The following DNAJC11 variants were observed in gnomAD, a reference collection of about 807,000 sequenced individuals.
DNAJC11 encodes dnaJ homolog subfamily C member 11.
A neutral mutation model predicts 78.6 loss-of-function variants in DNAJC11; 15 were observed. That is an observed-to-expected ratio of 0.19 (90% CI 0.13 to 0.29). The LOEUF (loss-of-function observed/expected upper bound fraction) is 0.29. Ranked by LOEUF, DNAJC11 falls within the 10% of genes least tolerant of loss-of-function variation. DNAJC11 has a pLI of 1.00. For missense variants in DNAJC11, 547 were observed against 709.6 expected (o/e 0.77, Z 2.60); for synonymous variants, 292 against 272.1 (o/e 1.07, Z -0.72).
Position 6,634,448 on chromosome 1 carries a change from G to A in DNAJC11, c.*1227C>T. 7.7e-7 allele frequency: 1 copy of A among 1,292,396 alleles called. No individual in the cohort carries two copies. Among genetic ancestry groups the A allele is most frequent in the Admixed American group, 2.3e-5 (1 of 43,088 alleles). The allele number at this position is 1,292,396 out of a possible 1,614,324, so 80.1% of individuals were successfully genotyped here. The stretch of plus-strand genomic sequence containing the variant: ...GCCGTTACTCAGATACCAGTGCTGG[G>A]GAGGGAGGCCTGACTTCAGCAACAG... On this transcript the variant is annotated 3_prime_UTR_variant, in exon 16 of 16. Transcript: ENST00000377577.
rs989721370 is a variant in DNAJC11, at chr1:6,663,243, C to G, written c.378+4466G>C. Among the ~76,000 whole-genome samples, 13 of 152,108 alleles carry G rather than the reference C, an allele frequency of 8.5e-5. No homozygotes were observed. In the East Asian group the frequency reaches 2.5e-3, roughly 29 times the overall value. ...CCATCAAACTATTTTGTCATAGGGTCAAAAAAACTAAAGCAATATATGCCC... is the reference window on the plus strand; with the variant it reads ...CCATCAAACTATTTTGTCATAGGGTGAAAAAAACTAAAGCAATATATGCCC... On this transcript the variant is annotated intron_variant, in intron 4 of 15. Coordinates refer to ENST00000377577, the MANE Select transcript of DNAJC11 (RefSeq NM_018198.4).
intron 10 of DNAJC11, 109 bp from the exon 11 acceptor site, chr1:6,640,166 T>C (rs1641853483): frequency 4.4e-6 from 6 of 1,362,796 alleles, no homozygotes; most frequent in Non-Finnish European, 4.8e-6. Context: ...TGCGTGCAGC[T>C]GCGAGTTAAA....
At chr1:6,688,290 T>TA (rs1171256384) in intron 1 of DNAJC11, among the ~76,000 whole-genome samples, 1 of 152,224 alleles carries the variant, frequency 6.6e-6, no homozygotes, top group African/African-American at 2.4e-5. Context: ...GTACCTGACT[T>TA]AGATTTACCA....
At chr1:6,700,232 C>G (rs1642903404) in intron 1 of DNAJC11, among the ~76,000 whole-genome samples, 5 of 152,174 alleles carry the variant, frequency 3.3e-5, no homozygotes, top group Admixed American at 3.3e-4. Flanking sequence ...CCACCCCCTG[C>G]CCACAAAAAA....
chr1:6,686,723 A>G (rs1032400974), intron 1 of DNAJC11, among the ~76,000 whole-genome samples: 1 of 152,240 alleles, frequency 6.6e-6, no homozygotes, highest in Admixed American at 6.5e-5. Context: ...GGTGAACGGT[A>G]CTTATACCTA....
chr1:6,652,747 T>C (rs188438305), intron 6 of DNAJC11, 82 bp downstream of exon 6: 18 of 1,582,664 alleles, frequency 1.1e-5, no homozygotes, highest in East Asian at 2.3e-5. Context: ...CAGGGTGAGT[T>C]TGAGGGTGAG....
chr1:6,669,442 C>T (rs978556296), intron 3 of DNAJC11, among the ~76,000 whole-genome samples: 12 of 151,210 alleles, frequency 7.9e-5, no homozygotes, highest in Non-Finnish European at 1.5e-4. Context: ...ACCCGGCAGG[C>T]GGAGTTTGCA....
intron 1 of DNAJC11, among the ~76,000 whole-genome samples, chr1:6,690,970 G>C (rs553849817): frequency 6.6e-6 from 1 of 152,192 alleles, no homozygotes; most frequent in African/African-American, 2.4e-5. Context: ...GCTTAGCAGA[G>C]AAATAATCAA....
intron 3 of DNAJC11, among the ~76,000 whole-genome samples, chr1:6,675,202 A>G (rs571763722): frequency 3.2e-4 from 48 of 152,174 alleles, no homozygotes; most frequent in African/African-American, 1.1e-3. Context: ...GCACTAATAC[A>G]TATCCGAGTA....
chr1:6,644,078 GC>G (rs1641927423), intron 10 of DNAJC11, among the ~76,000 whole-genome samples: 2 of 151,974 alleles, frequency 1.3e-5, no homozygotes. Context: ...CACCATGTTA[GC>G]CAGGATGGTC....
intron 10 of DNAJC11, 112 bp from the exon 11 acceptor site, chr1:6,640,169 G>C: frequency 7.7e-7 from 1 of 1,301,830 alleles, no homozygotes; most frequent in East Asian, 2.5e-5. Flanking sequence ...GTGCAGCTGC[G>C]AGTTAAAGGA....
chr1:6,695,627 TAAAAAA>T (rs70984004), intron 1 of DNAJC11, among the ~76,000 whole-genome samples: 3 of 83,008 alleles, frequency 3.6e-5, no homozygotes, highest in African/African-American at 8.9e-5. Flanking sequence ...CTATCTCTAC[TAAAAAA>T]AAAAAAAAAA....
intron 2 of DNAJC11, among the ~76,000 whole-genome samples, chr1:6,679,581 A>C (rs371448760): frequency 4.6e-5 from 7 of 152,232 alleles, no homozygotes; most frequent in African/African-American, 1.7e-4. Flanking sequence ...CATAAATGAT[A>C]CTATGCATAA....
intron 3 of DNAJC11, among the ~76,000 whole-genome samples, chr1:6,675,700 G>A (rs970795068): frequency 6.6e-6 from 1 of 152,172 alleles, no homozygotes; most frequent in Non-Finnish European, 1.5e-5. Flanking sequence ...TGGAATTACA[G>A]GTGTGAGCCA....
Position 6,634,555 on chromosome 1 carries a change from G to GAGGGGTCAGCA in DNAJC11, c.*1109_*1119dup. 8.1e-6 allele frequency: 11 copies of GAGGGGTCAGCA among 1,365,130 alleles called. No individual in the cohort carries two copies. The highest frequency in any genetic ancestry group is 1.1e-5 in the Non-Finnish European group (11 of 1,021,558). The allele number at this position is 1,365,130 out of a possible 1,614,324, so 84.6% of individuals were successfully genotyped here. On this transcript the variant is annotated 3_prime_UTR_variant, in exon 16 of 16. Coordinates refer to ENST00000377577, the MANE Select transcript of DNAJC11 (RefSeq NM_018198.4). ...CCACCACCTGTGCGGCGCTTGCTCCGAGGGGTCAGCAAGAGCAACTGATGG... is the reference window on the plus strand; with the variant it reads ...CCACCACCTGTGCGGCGCTTGCTCCGAGGGGTCAGCAAGGGGTCAGCAAGAGCAACTGATGG...
rs1641871549 is a variant in DNAJC11 at position 6,641,329 on chromosome 1, T to G, written c.1098-1272A>C. Among the ~76,000 whole-genome samples, 3 of 147,452 alleles carry G rather than the reference T, an allele frequency of 2.0e-5. No individual in the cohort carries two copies. In the Admixed American group the frequency reaches 2.1e-4, roughly 10 times the overall value. On this transcript the variant is annotated intron_variant, in intron 10 of 15. Coordinates refer to ENST00000377577, the MANE Select transcript of DNAJC11 (RefSeq NM_018198.4). ...TGAACCTGGGAGGTGGAGGTTGCAGTGAGCCAAATGCACTCCAGTCTGGGG... is the reference window on the plus strand; with the variant it reads ...TGAACCTGGGAGGTGGAGGTTGCAGGGAGCCAAATGCACTCCAGTCTGGGG...
chr1:6,697,322 T>C (rs912820562), intron 1 of DNAJC11, among the ~76,000 whole-genome samples: 2 of 152,156 alleles, frequency 1.3e-5, no homozygotes, highest in African/African-American at 4.8e-5. Flanking sequence ...GCGGCAACAA[T>C]GGGGTCTCCA....
chr1:6,640,081 A>C (rs1641852216), intron 10 of DNAJC11, 24 bp from the exon 11 acceptor site: 1 of 1,534,812 alleles, frequency 6.5e-7, no homozygotes, highest in Non-Finnish European at 8.7e-7. Context: ...CAAAAAAAAA[A>C]AAAAAAAAGC....
intron 4 of DNAJC11, among the ~76,000 whole-genome samples, chr1:6,661,659 C>T (rs373087011): frequency 3.3e-5 from 5 of 152,140 alleles, no homozygotes; most frequent in African/African-American, 7.2e-5. Context: ...TTTCTGCAGA[C>T]GGTAAATTGC....
Sources: gnomAD v4.1 joint callset for allele counts (sites outside exome capture counted in the v4.1 genomes callset) on GRCh38, gnomAD v4.1.1 for gene constraint, MANE v1.5 for transcripts, NCBI Gene and HGNC (gene_info 2026-07-23, HGNC 2026-07-21) for gene names.